MED13L: variants seen among roughly 807,000 people sequenced by gnomAD.
MED13L encodes mediator complex subunit 13L.
Under a neutral mutation model 220.9 loss-of-function variants are expected in MED13L, and 7 were observed. The observed-to-expected ratio is 0.03, with a 90% CI of 0.02 to 0.06. The LOEUF (loss-of-function observed/expected upper bound fraction) is 0.06, where lower values mean the gene tolerates loss of function less well. Ranked by LOEUF, MED13L falls within the 10% of genes least tolerant of loss-of-function variation. MED13L has a pLI of 1.00. For missense variants in MED13L, 1,965 were observed against 2,760.5 expected (o/e 0.71, Z 6.46); for synonymous variants, 1,011 against 1,015.2 (o/e 1.00, Z 0.08).
intron 2 of MED13L, among the ~76,000 whole-genome samples, chr12:116,117,744 T>C (rs994553117): frequency 2.0e-5 from 3 of 152,182 alleles, no homozygotes; most frequent in Non-Finnish European, 2.9e-5. Context: ...GTACCAGTTA[T>C]ATTCTTCACT....
intron 14 of MED13L, among the ~76,000 whole-genome samples, chr12:115,998,895 A>T (rs942770655): frequency 2.6e-5 from 4 of 152,224 alleles, no homozygotes; most frequent in Non-Finnish European, 5.9e-5. Context: ...CTTCTAAAAA[A>T]AAGAAGAAGA....
At chr12:116,032,137 T>G (rs1235148780) in intron 4 of MED13L, among the ~76,000 whole-genome samples, 1 of 152,040 alleles carries the variant, frequency 6.6e-6, no homozygotes, top group Non-Finnish European at 1.5e-5. Flanking sequence ...ATATATGAAG[T>G]CTTTTAAAAG....
At chr12:116,086,222 A>C (rs1304622201) in intron 4 of MED13L, among the ~76,000 whole-genome samples, 1 of 152,168 alleles carries the variant, frequency 6.6e-6, no homozygotes, top group Non-Finnish European at 1.5e-5. Context: ...TCTATCAAGG[A>C]GGCAGCTCCA....
At chr12:116,018,800 G>T (rs1438725723) in intron 7 of MED13L, among the ~76,000 whole-genome samples, 1 of 151,356 alleles carries the variant, frequency 6.6e-6, no homozygotes, top group East Asian at 1.9e-4. Context: ...ATCTAACAGG[G>T]AAAAGAGTTG....
intron 19 of MED13L, among the ~76,000 whole-genome samples, chr12:115,985,961 T>C (rs767433315): frequency 1.6e-4 from 25 of 152,220 alleles, no homozygotes; most frequent in Non-Finnish European, 3.1e-4. Flanking sequence ...TAGCCACACT[T>C]TCCCCTGGTG....
chr12:116,261,530 T>C (rs1413477798), intron 1 of MED13L, among the ~76,000 whole-genome samples: 1 of 151,940 alleles, frequency 6.6e-6, no homozygotes, highest in Non-Finnish European at 1.5e-5. Flanking sequence ...ACAGGCAGAT[T>C]ATAAGTGCTA....
At chr12:116,058,018 C>A (rs930816961) in intron 4 of MED13L, among the ~76,000 whole-genome samples, 1 of 151,906 alleles carries the variant, frequency 6.6e-6, no homozygotes, top group African/African-American at 2.4e-5. Context: ...GATTAAATCA[C>A]GAAAAATTCA....
At chr12:116,011,714 G>A (rs575646799) in intron 9 of MED13L, among the ~76,000 whole-genome samples, 44 of 152,308 alleles carry the variant, frequency 2.9e-4, no homozygotes, top group African/African-American at 1.0e-3. Context: ...CCCTTAATGA[G>A]CAAGCAACTT....
chr12:116,053,614 C>T (rs893435854), intron 4 of MED13L, among the ~76,000 whole-genome samples: 6 of 152,074 alleles, frequency 3.9e-5, no homozygotes, highest in Admixed American at 3.3e-4. Context: ...TAAATTATTA[C>T]CCCTACTTTG....
chr12:116,044,531 C>G (rs1003517057), intron 4 of MED13L, among the ~76,000 whole-genome samples: 1 of 152,170 alleles, frequency 6.6e-6, no homozygotes, highest in African/African-American at 2.4e-5. Context: ...GAAATCCTAA[C>G]TCCTAAGAAC....
chr12:116,141,890 A>G (rs1452651022), intron 2 of MED13L, among the ~76,000 whole-genome samples: 3 of 152,020 alleles, frequency 2.0e-5, no homozygotes, highest in African/African-American at 4.8e-5. Flanking sequence ...AGCATCCTTC[A>G]TAAATTGTCC....
intron 2 of MED13L, among the ~76,000 whole-genome samples, chr12:116,177,030 G>A (rs1384970442): frequency 2.0e-5 from 3 of 151,924 alleles, no homozygotes; most frequent in Non-Finnish European, 4.4e-5. Flanking sequence ...TGTTAATTGG[G>A]TAAATTTTTA....
chr12:116,009,411 A>C (rs1040820698), intron 9 of MED13L, among the ~76,000 whole-genome samples: 2 of 152,190 alleles, frequency 1.3e-5, no homozygotes, highest in Admixed American at 6.5e-5. Context: ...CAAATCTTTT[A>C]GATTTGGTGA....
rs1878840373 is a variant in MED13L, at chr12:116,003,033, C to T, written c.2539G>A (p.Asp847Asn). Residue 847 changes from aspartate to asparagine, a missense_variant, in exon 14 of 31, where the codon GAT becomes AAT. Asp to Asn is a conservative substitution (Grantham distance 23). Coordinates refer to ENST00000281928, the MANE Select transcript of MED13L (RefSeq NM_015335.5). ...GGATAAGGAACAGCAGCTCTTCCAT[C>T]CTTCCCAAGAGGTCGGTCTTCTGTC... ...VGTEDRPLGK[D>N]GRAAVPYPPT... 6.2e-7 allele frequency: 1 copy of T among 1,614,126 alleles called. No homozygotes were observed. Among genetic ancestry groups the T allele is most frequent in the Non-Finnish European group, 8.5e-7 (1 of 1,179,964 alleles).
chr12:116,137,854 T>A (rs1876699312), intron 2 of MED13L, among the ~76,000 whole-genome samples: 1 of 112,904 alleles, frequency 8.9e-6, no homozygotes, highest in Non-Finnish European at 1.6e-5. Context: ...ATGAGGTAAT[T>A]TTTTTTTTTT....
chr12:116,255,500 T>C (rs761838835), intron 1 of MED13L, among the ~76,000 whole-genome samples: 83 of 152,210 alleles, frequency 5.5e-4, no homozygotes, highest in Non-Finnish European at 9.4e-4. Flanking sequence ...ATGAAAAGTA[T>C]AGATTTATAA....
chr12:116,268,911 T>C (rs1211717959), intron 1 of MED13L, among the ~76,000 whole-genome samples: 2 of 152,206 alleles, frequency 1.3e-5, no homozygotes, highest in Non-Finnish European at 2.9e-5. Flanking sequence ...ACTTAAATAT[T>C]TTCCTGCTTT....
chr12:116,090,281 C>T (rs1872082560), intron 4 of MED13L, among the ~76,000 whole-genome samples: 1 of 152,170 alleles, frequency 6.6e-6, no homozygotes, highest in Admixed American at 6.5e-5. Context: ...AAATTAACAC[C>T]TCAACTCCCA....
chr12:115,998,230 T>C (rs1187729450), intron 14 of MED13L, among the ~76,000 whole-genome samples: 2 of 152,232 alleles, frequency 1.3e-5, no homozygotes, highest in African/African-American at 4.8e-5. Flanking sequence ...AAAGTTGTAG[T>C]TGTAAAATTT....
Sources: allele counts gnomAD v4.1 joint callset (sites outside exome capture counted in the v4.1 genomes callset), GRCh38; gene constraint gnomAD v4.1.1; transcripts MANE v1.5; gene names NCBI Gene and HGNC (gene_info 2026-07-23, HGNC 2026-07-21).